DSCAM: variants seen among roughly 807,000 people sequenced by gnomAD.
DSCAM encodes DS cell adhesion molecule.
DSCAM carries 47 observed loss-of-function variants against 217.7 expected under a neutral mutation model. The observed-to-expected ratio is 0.22, with a 90% CI of 0.17 to 0.28. The LOEUF (loss-of-function observed/expected upper bound fraction) is 0.28, where lower values mean the gene tolerates loss of function less well. Ranked by LOEUF, DSCAM falls within the 10% of genes least tolerant of loss-of-function variation. DSCAM has a pLI of 1.00. For missense variants in DSCAM, 2,080 were observed against 2,618.3 expected, an observed-to-expected ratio of 0.79 and a Z score of 4.49; for synonymous variants, 1,056 against 1,015.3, an observed-to-expected ratio of 1.04 and a Z score of -0.76.
chr21:40,122,476 T>G (rs957913254), intron 20 of DSCAM, among the ~76,000 whole-genome samples: 1 of 152,158 alleles, frequency 6.6e-6, no homozygotes, highest in African/African-American at 2.4e-5. Context: ...TAGTGGAAAA[T>G]GAGTATACTT....
intron 1 of DSCAM, among the ~76,000 whole-genome samples, chr21:40,844,855 C>T (rs2092131857): frequency 6.6e-6 from 1 of 152,166 alleles, no homozygotes. Context: ...CCAGCACAGC[C>T]TCTTTCATCA....
intron 3 of DSCAM, among the ~76,000 whole-genome samples, chr21:40,524,668 T>C (rs1051707222): frequency 1.3e-5 from 2 of 152,138 alleles, no homozygotes; most frequent in Admixed American, 6.5e-5. Flanking sequence ...GGGAAAACTT[T>C]TTTTAAAAAG....
At chr21:40,062,609 T>C (rs936850445) in intron 28 of DSCAM, among the ~76,000 whole-genome samples, 1 of 152,238 alleles carries the variant, frequency 6.6e-6, no homozygotes, top group African/African-American at 2.4e-5. Flanking sequence ...GTTCCCAGGC[T>C]AATGGGAAGC....
chr21:40,363,009 T>A (rs2123680625), intron 4 of DSCAM, among the ~76,000 whole-genome samples: 1 of 152,286 alleles, frequency 6.6e-6, no homozygotes, highest in South Asian at 2.1e-4. Flanking sequence ...CTATGTCATT[T>A]TGACAAGACC....
intron 1 of DSCAM, among the ~76,000 whole-genome samples, chr21:40,790,132 A>G (rs1601262596): frequency 6.7e-6 from 1 of 149,820 alleles, no homozygotes; most frequent in Admixed American, 6.6e-5. Flanking sequence ...GGAGCCATAC[A>G]CCTTTTGGTT....
At chr21:40,769,802 AC>A (rs926507087) in intron 1 of DSCAM, among the ~76,000 whole-genome samples, 1 of 151,792 alleles carries the variant, frequency 6.6e-6, no homozygotes, top group African/African-American at 2.4e-5. Flanking sequence ...TCCTTCACCA[AC>A]CCCCAGGTGG....
intron 11 of DSCAM, among the ~76,000 whole-genome samples, chr21:40,259,276 C>CTGTT (rs60746502): frequency 2.5e-5 from 3 of 119,766 alleles, no homozygotes; most frequent in African/African-American, 9.6e-5. Context: ...TTAATGAACT[C>CTGTT]TTTTTTTTTT....
intron 1 of DSCAM, among the ~76,000 whole-genome samples, chr21:40,740,007 C>G (rs2091108376): frequency 8.7e-6 from 1 of 115,392 alleles, no homozygotes; most frequent in South Asian, 3.0e-4. Flanking sequence ...AAACCAAGAG[C>G]TACAGCAAAC....
chr21:40,298,084 CTT>C (rs59908038), intron 9 of DSCAM, among the ~76,000 whole-genome samples: 31 of 132,600 alleles, frequency 2.3e-4, no homozygotes, highest in Non-Finnish European at 1.6e-4. Context: ...TTAGCTTTTA[CTT>C]TTTTTTTTTT....
At chr21:40,605,836 T>G (rs953447809) in intron 3 of DSCAM, among the ~76,000 whole-genome samples, 1 of 139,340 alleles carries the variant, frequency 7.2e-6, no homozygotes, top group Admixed American at 7.8e-5. Flanking sequence ...AGTCTCACTG[T>G]ATTGCCCAGG....
chr21:40,075,836 A>C (rs1419215902), intron 26 of DSCAM, among the ~76,000 whole-genome samples: 1 of 152,196 alleles, frequency 6.6e-6, no homozygotes, highest in Non-Finnish European at 1.5e-5. Flanking sequence ...AGGCATGGTT[A>C]AATAGTGCTA....
intron 10 of DSCAM, among the ~76,000 whole-genome samples, chr21:40,286,938 C>A (rs953881550): frequency 6.6e-6 from 1 of 152,078 alleles, no homozygotes; most frequent in African/African-American, 2.4e-5. Flanking sequence ...ACGTTGTGAT[C>A]TGCAGTGTGA....
At chr21:40,781,618 A>G (rs2091545000) in intron 1 of DSCAM, among the ~76,000 whole-genome samples, 1 of 152,098 alleles carries the variant, frequency 6.6e-6, no homozygotes, top group South Asian at 2.1e-4. Flanking sequence ...ATTTTGGTAT[A>G]CTTGGGGGTC....
At chr21:40,400,399 A>G (rs2075222941) in intron 3 of DSCAM, among the ~76,000 whole-genome samples, 1 of 152,232 alleles carries the variant, frequency 6.6e-6, no homozygotes, top group Non-Finnish European at 1.5e-5. Context: ...CTCAATTCTC[A>G]TATCTGCATC....
At chr21:40,614,689 G>A (rs550185674) in intron 3 of DSCAM, among the ~76,000 whole-genome samples, 1 of 152,274 alleles carries the variant, frequency 6.6e-6, no homozygotes, top group South Asian at 2.1e-4. Context: ...GGTAACAGTT[G>A]TATGTCCAGT....
intron 1 of DSCAM, among the ~76,000 whole-genome samples, chr21:40,834,418 T>TAA (rs2092039031): frequency 8.1e-6 from 1 of 123,374 alleles, no homozygotes; most frequent in African/African-American, 3.1e-5. Context: ...AAAATAATAA[T>TAA]AATAATAAAA....
chr21:40,816,224 T>C (rs1355729903), intron 1 of DSCAM, among the ~76,000 whole-genome samples: 1 of 152,196 alleles, frequency 6.6e-6, no homozygotes, highest in African/African-American at 2.4e-5. Context: ...GAGCAAAGGC[T>C]CAGAAAGGGT....
chr21:40,457,990 T>A (rs2075777275), intron 3 of DSCAM, among the ~76,000 whole-genome samples: 1 of 152,156 alleles, frequency 6.6e-6, no homozygotes, highest in Non-Finnish European at 1.5e-5. Flanking sequence ...TATGAATATG[T>A]GCACACGATG....
chr21:40,279,014 CAT>C (rs773549587), intron 10 of DSCAM, among the ~76,000 whole-genome samples: 11 of 152,140 alleles, frequency 7.2e-5, no homozygotes, highest in Non-Finnish European at 1.5e-4. Flanking sequence ...ACAAAACTCA[CAT>C]GTTTGCATTA....
Sources: allele counts gnomAD v4.1 joint callset (sites outside exome capture counted in the v4.1 genomes callset), GRCh38; gene constraint gnomAD v4.1.1; transcripts MANE v1.5; gene names NCBI Gene and HGNC (gene_info 2026-07-23, HGNC 2026-07-21).